The following TSPAN6 variants were observed in gnomAD, a reference collection of about 807,000 sequenced individuals.
TSPAN6 encodes the protein tetraspanin-6.
A neutral mutation model predicts 18.0 loss-of-function variants in TSPAN6; 13 were observed. That is an observed-to-expected ratio of 0.72 (90% CI 0.47 to 1.15). TSPAN6 has a LOEUF of 1.15. Among genes scored for constraint, TSPAN6 ranks in the 50% most tolerant of loss-of-function variants. TSPAN6 has a pLI of 0.00. For missense variants in TSPAN6, 186 were observed against 183.9 expected (o/e 1.01, Z -0.07); for synonymous variants, 82 against 67.0 (o/e 1.22, Z -1.09).
intron 3 of TSPAN6, 127 bp from the exon 4 acceptor site, chrX:100,634,156 T>C (rs1043790940): frequency 4.3e-5 from 20 of 461,194 alleles, no homozygotes; most frequent in Non-Finnish European, 6.4e-5. Context: ...AGTAATTAAC[T>C]TCCATGGTAC....
In TSPAN6 at chrX:100,630,951, C is replaced by T. The variant is rs1204398; in HGVS notation, c.670-85G>A. The T allele has an allele frequency of 4.2e-3, 3,055 of 728,280 alleles. 54 individuals are homozygous for T. In the African/African-American group the frequency reaches 0.058, roughly 14 times the overall value. The allele number at this position is 728,280 out of a possible 1,213,427, so 60.0% of individuals were successfully genotyped here. On this transcript the variant is annotated intron_variant, in intron 6 of 7. Transcript: ENST00000373020. ...CTATATTCTCCTCTCACTTGTAATT[C>T]GCTTATAATTTTCGTCCTTGAGTTT...
intron 6 of TSPAN6, among the ~76,000 whole-genome samples, 170 bp downstream of exon 6, chrX:100,632,315 G>A (rs2083065014): frequency 9.0e-6 from 1 of 110,818 alleles, no homozygotes; most frequent in Non-Finnish European, 1.9e-5. Flanking sequence ...GCTGAGGTGG[G>A]AGAATCGCTT....
chrX:100,633,969 C>A lies in TSPAN6; in HGVS notation c.412G>T (p.Asp138Tyr). Residue 138 changes from aspartate (D) to tyrosine (Y), a missense_variant, in exon 4 of 8, where the codon GAT (aspartate) becomes TAT (tyrosine). Physicochemically the swap from Asp to Tyr is radical, Grantham distance 160. Coordinates refer to ENST00000373020, the MANE Select transcript of TSPAN6 (RefSeq NM_003270.4). The stretch of plus-strand genomic sequence containing the variant: ...TTGTCTACTGCATGGCTTCTATAAT[C>A]TCCTGTAGAGTTATACTGCTTCAAA... ...KALKQYNSTG[D>Y]YRSHAVDKIQ... The A allele has an allele frequency of 8.3e-7, 1 of 1,205,960 alleles. No individual in the cohort carries two copies. The highest frequency in any genetic ancestry group is 1.1e-6 in the Non-Finnish European group (1 of 892,128).
chrX:100,636,796 C>T lies in TSPAN6; in HGVS notation c.-102G>A, dbSNP rs1449937910. 9 of 898,326 alleles carry T rather than the reference C, an allele frequency of 1.0e-5. No homozygotes were observed. In the East Asian group the frequency reaches 3.0e-4, roughly 29 times the overall value. The allele number at this position is 898,326 out of a possible 1,213,427, so 74.0% of individuals were successfully genotyped here. A position where few individuals can be genotyped will look rare whatever the true frequency, so the allele number is the denominator to read the frequency against. ...CCGGAAACTGCCGAAAACTTACGAGCGTCCACAACTGAGAAGGGCCGGAAA... is the reference window on the plus strand; with the variant it reads ...CCGGAAACTGCCGAAAACTTACGAGTGTCCACAACTGAGAAGGGCCGGAAA... On this transcript the variant is annotated 5_prime_UTR_variant, in exon 1 of 8. Transcript: ENST00000373020.
In TSPAN6 at chrX:100,632,467, G is replaced by C. The variant is rs367704027; in HGVS notation, c.669+18C>G. On this transcript the variant is annotated intron_variant, in intron 6 of 7. Transcript: ENST00000373020. ...ACAAGAGGGATGAAATATTTCCTAA[G>C]TAACTACAAAAACTTACTTGGAAGC... is the stretch of plus-strand genomic sequence containing the variant. 8.7e-7 allele frequency: 1 copy of C among 1,149,734 alleles called. No homozygotes were observed. Among genetic ancestry groups the C allele is most frequent in the African/African-American group, 1.8e-5 (1 of 55,475 alleles). The allele number at this position is 1,149,734 out of a possible 1,213,427, so 94.8% of individuals were successfully genotyped here.
chrX:100,634,051 T>C (rs911826329), intron 3 of TSPAN6, 22 bp from the exon 4 acceptor site: 1 of 1,106,346 alleles, frequency 9.0e-7, no homozygotes, highest in Non-Finnish European at 1.2e-6. Flanking sequence ...AAACACAATG[T>C]CAGTAAGAAA....
chrX:100,635,661 G>C lies in TSPAN6; in HGVS notation c.173C>G (p.Thr58Ser), dbSNP rs2083089446. The change falls in exon 2 of 8, where the codon ACC becomes AGC. Residue 58 changes from threonine to serine, a missense_variant. Physicochemically the swap from Thr to Ser is moderately conservative, Grantham distance 58. Coordinates refer to ENST00000373020, the MANE Select transcript of TSPAN6 (RefSeq NM_003270.4). ...NYFSLLNEKATNVPFVLIATG... is the reference protein window; with the variant it reads ...NYFSLLNEKASNVPFVLIATG... ...AGCAATGAGCACGAAGGGGACATTG[G>C]TGGCCTTCTCATTTAAAAGAGAAAA... The C allele has an allele frequency of 8.4e-7, 1 of 1,197,089 alleles. No individual in the cohort carries two copies. The highest frequency in any genetic ancestry group is 1.8e-5 in the African/African-American group (1 of 57,050).
At chrX:100,633,328 A>T in intron 5 of TSPAN6, 77 bp downstream of exon 5, 1 of 1,081,414 alleles carries the variant, frequency 9.2e-7, no homozygotes, top group Non-Finnish European at 1.3e-6. Flanking sequence ...CAAAAAAAAA[A>T]TTAAAAACTG....
chrX:100,633,339 G>T, intron 5 of TSPAN6, 66 bp downstream of exon 5: 1 of 1,105,047 alleles, frequency 9.0e-7, no homozygotes, highest in Non-Finnish European at 1.2e-6. Flanking sequence ...TTAAAAACTG[G>T]GTCAATTTTG....
At chrX:100,633,894 G>A in intron 4 of TSPAN6, 37 bp downstream of exon 4, 1 of 989,919 alleles carries the variant, frequency 1.0e-6, no homozygotes, top group Non-Finnish European at 1.4e-6. Context: ...GAGGCAACAG[G>A]GAATGTGTTC....
intron 6 of TSPAN6, 74 bp from the exon 7 acceptor site, chrX:100,630,940 CACTT>C (rs919512681): frequency 2.6e-6 from 2 of 779,915 alleles, no homozygotes; most frequent in African/African-American, 4.2e-5. Context: ...ATTCTCCTCT[CACTT>C]GTAATTCGCT....
intron 6 of TSPAN6, 91 bp from the exon 7 acceptor site, chrX:100,630,957 T>G: frequency 1.4e-6 from 1 of 695,379 alleles, no homozygotes; most frequent in Non-Finnish European, 2.2e-6. Flanking sequence ...AATTCGCTTA[T>G]AATTTTCGTC....
chrX:100,630,515 CACGGGGAG>C (rs1388871819), intron 7 of TSPAN6, among the ~76,000 whole-genome samples: 1 of 111,944 alleles, frequency 8.9e-6, no homozygotes, highest in Non-Finnish European at 1.9e-5. Context: ...TATAAACCCA[CACGGGGAG>C]TCTTCTGTTG....
At chrX:100,631,399 T>C (rs1351553876) in intron 6 of TSPAN6, among the ~76,000 whole-genome samples, 1 of 112,607 alleles carries the variant, frequency 8.9e-6, no homozygotes, top group African/African-American at 3.2e-5. Flanking sequence ...TAGTGGCTAC[T>C]GCATTAGCAT....
rs139543848 is a variant in TSPAN6, at chrX:100,634,023, T to C, written c.358A>G (p.Asn120Asp). The C allele has an allele frequency of 1.7e-6, 2 of 1,175,835 alleles. No individual in the cohort carries two copies. The highest frequency in any genetic ancestry group is 4.4e-5 in the Admixed American group (2 of 45,472). Residue 120 changes from asparagine to aspartate, a missense_variant, in exon 4 of 8, where the codon AAC (asparagine) becomes GAC (aspartate). Physicochemically the swap from Asn to Asp is conservative, Grantham distance 23 (BLOSUM62 1). Transcript: ENST00000373020. ...VGFVFRHEIKNSFKNNYEKAL... is the reference protein window; with the variant it reads ...VGFVFRHEIKDSFKNNYEKAL... ...TTCTCATAATTATTCTTAAAGCTGT[T>C]CTTAATCTATAGCAAAGAAACACAA...
Position 100,635,224 on chromosome X carries a change from A to G in TSPAN6, c.305T>C (p.Leu102Ser). Residue 102 changes from leucine (L) to serine (S), a missense_variant, in exon 3 of 8, where the codon TTG becomes TCG. Physicochemically the swap from Leu to Ser is moderately radical, Grantham distance 145 (BLOSUM62 -2). Transcript: ENST00000373020. ...TACGATGGCAGCGACCAGTTCGACC[A>G]AAAAAACGAGAGTCAGAAACATTGC... ...LYAMFLTLVF[L>S]VELVAAIVGF... 3.4e-6 allele frequency: 4 copies of G among 1,193,734 alleles called. No individual in the cohort carries two copies. Among genetic ancestry groups the G allele is most frequent in the South Asian group, 3.7e-5 (2 of 54,294 alleles).
chrX:100,636,749 G>C lies in TSPAN6; in HGVS notation c.-55C>G, dbSNP rs1257822901. On this transcript the variant is annotated 5_prime_UTR_variant, in exon 1 of 8. Transcript: ENST00000373020. The stretch of plus-strand genomic sequence containing the variant: ...CGGGCGATTGGAACACAGAGAGCGA[G>C]ACGCGGAGTCCCCGAGTCTCCCCGG... 2 of 1,134,997 alleles carry C rather than the reference G, an allele frequency of 1.8e-6. No individual in the cohort carries two copies. Among genetic ancestry groups the C allele is most frequent in the African/African-American group, 3.7e-5 (2 of 54,672 alleles). The allele number at this position is 1,134,997 out of a possible 1,213,427, so 93.5% of individuals were successfully genotyped here.
At chrX:100,632,695 A>G (rs2083068172) in intron 5 of TSPAN6, 127 bp from the exon 6 acceptor site, 3 of 467,227 alleles carry the variant, frequency 6.4e-6, no homozygotes, top group Admixed American at 4.0e-5. Flanking sequence ...TACTTTGATC[A>G]TATACCTCTG....
Position 100,634,049 on chromosome X carries a change from TGTCA to T in TSPAN6, c.352-24_352-21del, listed in dbSNP as rs2083077934. On this transcript the variant is annotated intron_variant, in intron 3 of 7. Coordinates refer to ENST00000373020, the MANE Select transcript of TSPAN6 (RefSeq NM_003270.4). Reference sequence around the variant, plus strand: ...CTTAATCTATAGCAAAGAAACACAATGTCAGTAAGAAAATCCTCTAGAAAGTTTT... The same window carrying T: ...CTTAATCTATAGCAAAGAAACACAATGTAAGAAAATCCTCTAGAAAGTTTT... The T allele has an allele frequency of 9.0e-7, 1 of 1,112,478 alleles. No individual in the cohort carries two copies. The highest frequency in any genetic ancestry group is 3.0e-5 in the East Asian group (1 of 33,390). The allele number at this position is 1,112,478 out of a possible 1,213,427, so 91.7% of individuals were successfully genotyped here.
Sources: allele counts gnomAD v4.1 joint callset (sites outside exome capture counted in the v4.1 genomes callset), GRCh38; gene constraint gnomAD v4.1.1; transcripts MANE v1.5; gene names NCBI Gene and HGNC (gene_info 2026-07-23, HGNC 2026-07-21).